The following NUMBL variants were observed in gnomAD, a reference collection of about 807,000 sequenced individuals.
The protein encoded by NUMBL is numb-like protein.
In NUMBL, 20 loss-of-function variants were observed where a neutral mutation model predicts 48.9. The ratio of observed to expected loss-of-function variants is 0.41; its 90% CI spans 0.29 to 0.59. The LOEUF (loss-of-function observed/expected upper bound fraction) is 0.59, where lower values mean the gene tolerates loss of function less well. NUMBL is among the 20% of genes least tolerant of loss of function. NUMBL has a pLI of 0.31. For synonymous variants in NUMBL, 340 were observed against 348.7 expected, an observed-to-expected ratio of 0.98 and a Z score of 0.28; for missense variants, 660 against 846.2, an observed-to-expected ratio of 0.78 and a Z score of 2.73.
At chr19:40,681,832 C>G (rs2081906847) in intron 5 of NUMBL, among the ~76,000 whole-genome samples, 1 of 151,990 alleles carries the variant, frequency 6.6e-6, no homozygotes, top group South Asian at 2.1e-4. Flanking sequence ...ACCACCACGT[C>G]TGGCTAATTT....
At chr19:40,683,440 G>A (rs376572511) in intron 3 of NUMBL, among the ~76,000 whole-genome samples, 57 of 152,346 alleles carry the variant, frequency 3.7e-4, no homozygotes, top group Middle Eastern at 3.4e-3. Flanking sequence ...GCACACTGCT[G>A]CAGTTTTAAT....
chr19:40,675,742 C>G (rs534636672), intron 7 of NUMBL, among the ~76,000 whole-genome samples: 7 of 151,712 alleles, frequency 4.6e-5, no homozygotes, highest in Non-Finnish European at 7.4e-5. Flanking sequence ...CTCTTACACA[C>G]GCGTGCACAC....
chr19:40,680,599 C>G (rs1382771329), intron 6 of NUMBL, among the ~76,000 whole-genome samples: 1 of 152,066 alleles, frequency 6.6e-6, no homozygotes, highest in Non-Finnish European at 1.5e-5. Flanking sequence ...CAGGTGTGCA[C>G]CACCACACCT....
intron 9 of NUMBL, among the ~76,000 whole-genome samples, chr19:40,669,295 T>A (rs1201428657): frequency 6.6e-6 from 1 of 152,024 alleles, no homozygotes; most frequent in Non-Finnish European, 1.5e-5. Flanking sequence ...TCTAAGGGGA[T>A]CCCGTGGCTC....
intron 6 of NUMBL, among the ~76,000 whole-genome samples, chr19:40,680,362 C>T (rs1314074555): frequency 6.6e-6 from 1 of 151,966 alleles, no homozygotes. Flanking sequence ...GTTGGCCAGG[C>T]TGGTCTCAAA....
rs1026313838 is a variant in NUMBL at position 40,667,786 on chromosome 19, C to T, written c.1512G>A (p.Arg504=). The T allele has an allele frequency of 6.3e-7, 1 of 1,581,340 alleles. No homozygotes were observed. Among genetic ancestry groups the T allele is most frequent in the Admixed American group, 1.8e-5 (1 of 54,950 alleles). ...AGGGTGTGATGCCCACCACGGGCAC[C>T]CGGGGCATCGGTGGGTAGCCCAAGC... ...YPGLGYPPMP[R]VPVVGITPSQ... Residue 504 remains arginine, a synonymous_variant, in exon 10 of 10, where the codon CGG becomes CGA. Coordinates refer to ENST00000252891, the MANE Select transcript of NUMBL (RefSeq NM_004756.5). This position sits in a 1 kb window ranked among gnomAD's most constrained non-coding sequence, Gnocchi z 6.1.
chr19:40,667,591 G>A lies in NUMBL; in HGVS notation c.1707C>T (p.Ala569=), dbSNP rs771417907. ...GAPWPPEPAP[A]PAPELDPFEA... is the part of the protein sequence containing the mutation. ...CAAAGGGGTCCAACTCTGGAGCTGG[G>A]GCAGGCGCTGGCTCAGGGGGCCAGG... Residue 569 remains alanine (A), a synonymous_variant, in exon 10 of 10, where the codon GCC becomes GCT. Coordinates refer to ENST00000252891, the MANE Select transcript of NUMBL (RefSeq NM_004756.5). This position sits in a 1 kb window ranked among gnomAD's most constrained non-coding sequence, Gnocchi z 6.1. 4 of 1,555,090 alleles carry A rather than the reference G, an allele frequency of 2.6e-6. 1 individual carries two copies. The South Asian group carries it at 3.6e-5, about 14-fold the overall frequency.
rs2081910977 is a variant in NUMBL, at chr19:40,682,690, GACAGGCCCCCTGGCGTCCACCCCC to G, written c.399+14_399+37del. The G allele has an allele frequency of 6.2e-7, 1 of 1,600,580 alleles. No homozygotes were observed. Among genetic ancestry groups the G allele is most frequent in the African/African-American group, 1.3e-5 (1 of 74,714 alleles). Reference sequence around the variant, plus strand: ...CGCCCTGATTCCAGCAGGGTGAGCAGACAGGCCCCCTGGCGTCCACCCCCACAGGCCTCCTACCTTGGTTTTGTC... The same window carrying G: ...CGCCCTGATTCCAGCAGGGTGAGCAGACAGGCCTCCTACCTTGGTTTTGTC... On this transcript the variant is annotated intron_variant, in intron 5 of 9. Coordinates refer to ENST00000252891, the MANE Select transcript of NUMBL (RefSeq NM_004756.5). The surrounding 1 kb of genome is among the most constrained non-coding windows in gnomAD (Gnocchi z 4.0).
chr19:40,684,493 G>A lies in NUMBL; in HGVS notation c.173C>T (p.Pro58Leu), dbSNP rs1258005710. The A allele has an allele frequency of 6.2e-7, 1 of 1,600,292 alleles. No individual in the cohort carries two copies. Among genetic ancestry groups the A allele is most frequent in the Non-Finnish European group, 8.5e-7 (1 of 1,174,056 alleles). The change falls in exon 3 of 10, where the codon CCC becomes CTC. Residue 58 changes from proline to leucine, a missense_variant. Transcript: ENST00000252891. ...CCACTGGTGCGGGCGCGACGCCTCG[G>A]GCACGTAGGCTGGCTTCCTCCGCCG... ...SLRRRKPAYV[P>L]EASRPHQWQA...
At chr19:40,686,153 C>CT (rs35951088) in intron 2 of NUMBL, 2,064 of 144,014 alleles carry the variant, frequency 0.014, 49 homozygotes, top group African/African-American at 0.045. Flanking sequence ...GAGTGTGTCT[C>CT]TTTTTTTTTT....
intron 2 of NUMBL, chr19:40,684,915 T>A (rs1599913777): frequency 4.0e-6 from 1 of 251,754 alleles, no homozygotes; most frequent in Non-Finnish European, 7.7e-6. Flanking sequence ...ACACAAAGGG[T>A]GGGAAATCAG....
At chr19:40,681,083 G>A (rs1395693984) in intron 5 of NUMBL, 26 bp from the exon 6 acceptor site, 1 of 1,612,514 alleles carries the variant, frequency 6.2e-7, no homozygotes, top group African/African-American at 1.3e-5. Context: ...GAGGCCAGGA[G>A]AAGAGTGTGA....
At position 40,665,944 on chromosome 19, in the gene NUMBL, T is replaced by C. The variant is rs2081803400; in HGVS notation, c.*1524A>G. On this transcript the variant is annotated 3_prime_UTR_variant, in exon 10 of 10. Coordinates refer to ENST00000252891, the MANE Select transcript of NUMBL (RefSeq NM_004756.5). ...AACGAAACAAAATTTATATGTTATA[T>C]ATTTTTAAAAATACATCTTATAGAT... 6.6e-6 allele frequency: 1 copy of C among 152,198 alleles called. No individual in the cohort carries two copies. Among genetic ancestry groups the C allele is most frequent in the Admixed American group, 6.5e-5 (1 of 15,270 alleles). 9.4% of individuals were successfully genotyped at this position (152,198 alleles called of 1,614,324 possible).
In NUMBL at chr19:40,684,509, T is replaced by C; in HGVS notation, c.157A>G (p.Lys53Glu). Residue 53 changes from lysine to glutamate, a missense_variant, in exon 3 of 10, where the codon AAG (lysine) becomes GAG (glutamate). Physicochemically the swap from Lys to Glu is moderately conservative, Grantham distance 56 (BLOSUM62 1). This residue lies in a region of NUMBL where 86 missense variants were observed against 85.9 expected (regional missense o/e 1.00). Transcript: ENST00000252891. ...GACGCCTCGGGCACGTAGGCTGGCT[T>C]CCTCCGCCGCAGGCTCTGCCGTAAC... ...NKLRQSLRRR[K>E]PAYVPEASRP... 6.2e-7 allele frequency: 1 copy of C among 1,605,458 alleles called. No homozygotes were observed. Among genetic ancestry groups the C allele is most frequent in the Non-Finnish European group, 8.5e-7 (1 of 1,176,582 alleles).
chr19:40,684,390 C>T lies in NUMBL; in HGVS notation c.249+27G>A, dbSNP rs1753926444. 2.6e-6 allele frequency: 4 copies of T among 1,540,424 alleles called. No individual in the cohort carries two copies. In the African/African-American group the frequency reaches 5.5e-5, roughly 21 times the overall value. ...CACAGCGGCCCCCGTCCCCCTCGCCCCGCCGCACCCTGCCGCGCCCACTCA... is the reference window on the plus strand; with the variant it reads ...CACAGCGGCCCCCGTCCCCCTCGCCTCGCCGCACCCTGCCGCGCCCACTCA... On this transcript the variant is annotated intron_variant, in intron 3 of 9. Transcript: ENST00000252891.
intron 6 of NUMBL, among the ~76,000 whole-genome samples, chr19:40,678,131 G>C (rs141030920): frequency 5.5e-4 from 83 of 152,158 alleles, no homozygotes; most frequent in African/African-American, 1.9e-3. Context: ...TAGATCATGA[G>C]GTGGGGTCCT....
Position 40,667,969 on chromosome 19 carries a change from T to TTGCTGCTGCTGC in NUMBL, c.1317_1328dup (p.Gln443_Gln446dup). The TTGCTGCTGCTGC allele has an allele frequency of 1.4e-6, 2 of 1,471,376 alleles. No individual in the cohort carries two copies. The highest frequency in any genetic ancestry group is 2.5e-5 in the East Asian group (1 of 40,124). The allele number at this position is 1,471,376 out of a possible 1,614,324, so 91.1% of individuals were successfully genotyped here. Reference sequence around the variant, plus strand: ...GGGCCACTGAGGCTGCTTGCTGCTGTTGCTGCTGCTGCTGCTGCTGCTGTT... The same window carrying TTGCTGCTGCTGC: ...GGGCCACTGAGGCTGCTTGCTGCTGTTGCTGCTGCTGCTGCTGCTGCTGCTGCTGCTGCTGTT... On this transcript the variant is annotated inframe_insertion, in exon 10 of 10. Coordinates refer to ENST00000252891, the MANE Select transcript of NUMBL (RefSeq NM_004756.5). The surrounding 1 kb of genome is among the most constrained non-coding windows in gnomAD (Gnocchi z 6.1).
chr19:40,668,308 C>T (rs1211024529), intron 9 of NUMBL, among the ~76,000 whole-genome samples, 170 bp from the exon 10 acceptor site: 1 of 152,162 alleles, frequency 6.6e-6, no homozygotes, highest in Non-Finnish European at 1.5e-5. Context: ...AGGCGAGTGA[C>T]TTCACCATTC....
rs1410406310 is a variant in NUMBL, at chr19:40,677,247, G to A, written c.715C>T (p.Pro239Ser). The A allele has an allele frequency of 3.2e-6, 5 of 1,567,114 alleles. No homozygotes were observed. The highest frequency in any genetic ancestry group is 1.9e-5 in the Admixed American group (1 of 52,444). Residue 239 changes from proline to serine, a missense_variant, in exon 7 of 10, where the codon CCG becomes TCG. Coordinates refer to ENST00000252891, the MANE Select transcript of NUMBL (RefSeq NM_004756.5). ...CAACACCCACCTTTCTTCTTGTCCG[G>A]GGCCTCTCGCTCAGCAGGCCGCCCA... The part of the protein sequence containing the change: ...GGGRPAEREA[P>S]DKKKAEAAAA...
Sources: gnomAD v4.1 joint callset for allele counts (sites outside exome capture counted in the v4.1 genomes callset) on GRCh38, gnomAD v4.1.1 for gene constraint, gnomAD v4.1.1 regional missense constraint, Gnocchi (gnomAD v3.1) non-coding constraint, MANE v1.5 for transcripts, NCBI Gene and HGNC (gene_info 2026-07-23, HGNC 2026-07-21) for gene names.